The following TTN variants were observed in gnomAD, a reference collection of about 807,000 sequenced individuals.
The protein encoded by TTN is connectin.
In TTN, 1,525 loss-of-function variants were observed where a neutral mutation model predicts 3,223.0. The observed-to-expected ratio is 0.47, with a 90% CI of 0.45 to 0.49. The LOEUF is 0.49. Ranked by LOEUF, TTN falls within the 20% of genes least tolerant of loss-of-function variation. The pLI is 0.00. For synonymous variants in TTN, 14,094 were observed against 15,161.0 expected (o/e 0.93, Z 5.17); for missense variants, 40,786 against 43,424.0 (o/e 0.94, Z 5.40).
chr2:178,644,661 T>C (rs1281945673), intron 217 of TTN, 45 bp from the exon 218 acceptor site: 2 of 1,385,934 alleles, frequency 1.4e-6, no homozygotes, highest in Non-Finnish European at 1.9e-6. Context: ...ATATTTAATC[T>C]GAAGCAAGTG....
Position 178,724,501 on chromosome 2 carries a change from C to G in TTN, c.20874G>C (p.Thr6958=), listed in dbSNP as rs765956215. 1 of 1,606,746 alleles carries G rather than the reference C, an allele frequency of 6.2e-7. No individual in the cohort carries two copies. The highest frequency in any genetic ancestry group is 1.1e-5 in the South Asian group (1 of 90,674). Reference sequence around the variant, plus strand: ...GAGTGCACGTTTCTCCTACAGTCACCGTCATCGGTCCTGCCTTCTCAACAA... The same window carrying G: ...GAGTGCACGTTTCTCCTACAGTCACGGTCATCGGTCCTGCCTTCTCAACAA... ...AVIVEKAGPM[T]VTVGETCTLE... Residue 6958 remains threonine, a synonymous_variant, in exon 72 of 363, where the codon ACG becomes ACC. Transcript: ENST00000589042.
chr2:178,773,819 T>C lies in TTN; in HGVS notation c.7330+19A>G. The C allele has an allele frequency of 6.2e-7, 1 of 1,614,050 alleles. No individual in the cohort carries two copies. The highest frequency in any genetic ancestry group is 8.5e-7 in the Non-Finnish European group (1 of 1,179,964). ...GTTGCTTAATAGTGTAAACATAAAA[T>C]TTTATAATTAGGACTCACTATAGAC... On this transcript the variant is annotated intron_variant, in intron 31 of 362. Transcript: ENST00000589042.
intron 216 of TTN, 21 bp from the exon 217 acceptor site, chr2:178,646,051 G>GTGTTAGTA: frequency 7.0e-7 from 1 of 1,430,138 alleles, no homozygotes; most frequent in Non-Finnish European, 9.3e-7. Flanking sequence ...TATTTCAGAG[G>GTGTTAGTA]TGTTAGTATA....
rs763384123 is a variant in TTN at position 178,545,446 on chromosome 2, T to A, written c.95664A>T (p.Ala31888=). The A allele has an allele frequency of 2.5e-6, 4 of 1,610,534 alleles. No individual in the cohort carries two copies. Among genetic ancestry groups the A allele is most frequent in the South Asian group, 1.1e-5 (1 of 90,914 alleles). The change falls in exon 344 of 363, where the codon GCA becomes GCT. Residue 31888 remains alanine (A), a synonymous_variant. Transcript: ENST00000589042. ...CTTCGCTGGGCTCACTGTTACCAGC[T>A]GCATTCACTGCGGTCACCCGGAACT... The part of the protein sequence containing the change: ...DYQFRVTAVN[A]AGNSEPSEAS...
At position 178,605,471 on chromosome 2, in the gene TTN, C is replaced by T. The variant is rs2054564830; in HGVS notation, c.53824G>A (p.Glu17942Lys). 4 of 1,611,654 alleles carry T rather than the reference C, an allele frequency of 2.5e-6. No homozygotes were observed. The African/African-American group carries it at 5.3e-5, about 22-fold the overall frequency. ...MYEFRVKAVN[E>K]IGESEPSLPL... ...AGGGATGGTTCACTTTCACCAATTTCATTGACAGCTTTGACACGGAACTCA... is the reference window on the plus strand; with the variant it reads ...AGGGATGGTTCACTTTCACCAATTTTATTGACAGCTTTGACACGGAACTCA... Residue 17942 changes from glutamate (E) to lysine (K), a missense_variant, in exon 279 of 363, where the codon GAA (glutamate) becomes AAA (lysine). Glu to Lys is a moderately conservative substitution (Grantham distance 56). Coordinates refer to ENST00000589042, the MANE Select transcript of TTN (RefSeq NM_001267550.2).
At chr2:178,674,533 A>T in intron 150 of TTN, 124 bp from the exon 151 acceptor site, 1 of 499,650 alleles carries the variant, frequency 2.0e-6, no homozygotes, top group Non-Finnish European at 3.4e-6. Flanking sequence ...GTCCTTAAAA[A>T]ATCTCTACTG....
Position 178,610,368 on chromosome 2 carries a change from T to C in TTN, c.51158A>G (p.Asp17053Gly). 6.2e-7 allele frequency: 1 copy of C among 1,612,628 alleles called. No individual in the cohort carries two copies. The highest frequency in any genetic ancestry group is 8.5e-7 in the Non-Finnish European group (1 of 1,179,108). Residue 17053 changes from aspartate to glycine, a missense_variant, in exon 271 of 363, where the codon GAT becomes GGT. Asp to Gly is a moderately conservative substitution (Grantham distance 94). Transcript: ENST00000589042. ...KVIGLPGPCK[D>G]IKASDITKSS... Reference sequence around the variant, plus strand: ...CTTGGTAATGTCACTTGCTTTAATATCTTTGCATGGTCCAGGTAGGCCTAT... The same window carrying C: ...CTTGGTAATGTCACTTGCTTTAATACCTTTGCATGGTCCAGGTAGGCCTAT...
chr2:178,567,306 A>G lies in TTN; in HGVS notation c.78826T>C (p.Ser26276Pro). The G allele has an allele frequency of 6.2e-7, 1 of 1,606,962 alleles. No homozygotes were observed. The highest frequency in any genetic ancestry group is 8.5e-7 in the Non-Finnish European group (1 of 1,177,370). The change falls in exon 326 of 363, where the codon TCA becomes CCA. Residue 26276 changes from serine to proline, a missense_variant. Transcript: ENST00000589042. ...LRASNVAGSK[S>P]FPVNVKVLDR... ...AATACTTTTACATTTACTGGGAATG[A>G]CTTAGAACCTGCAACATTGGAAGCT...
rs746270532 is a variant in TTN at position 178,652,490 on chromosome 2, G to A, written c.39095C>T (p.Pro13032Leu). The A allele has an allele frequency of 6.2e-7, 1 of 1,613,646 alleles. No individual in the cohort carries two copies. Among genetic ancestry groups the A allele is most frequent in the Non-Finnish European group, 8.5e-7 (1 of 1,179,656 alleles). ...VVPEKKVPAA[P>L]PKKPEVTPVK... The stretch of plus-strand genomic sequence containing the variant: ...AGGTGTGACTTCAGGCTTTTTAGGA[G>A]GAGCCGCTGGCACTTTCTTTTCAGG... Residue 13032 changes from proline to leucine, a missense_variant, in exon 202 of 363, where the codon CCT (proline) becomes CTT (leucine). Physicochemically the swap from Pro to Leu is moderately conservative, Grantham distance 98. Coordinates refer to ENST00000589042, the MANE Select transcript of TTN (RefSeq NM_001267550.2).
chr2:178,610,293 G>T lies in TTN; in HGVS notation c.51233C>A (p.Pro17078Gln). 1 of 1,612,862 alleles carries T rather than the reference G, an allele frequency of 6.2e-7. No individual in the cohort carries two copies. Among genetic ancestry groups the T allele is most frequent in the Non-Finnish European group, 8.5e-7 (1 of 1,179,210 alleles). ...GCGCTCCAGGACATAATGAAGAATT[G>T]GGGTTCCACCATCAAATTCTGGAGG... ...WEPPEFDGGT[P>Q]ILHYVLERRE... Residue 17078 changes from proline (P) to glutamine (Q), a missense_variant, in exon 271 of 363, where the codon CCA becomes CAA. Coordinates refer to ENST00000589042, the MANE Select transcript of TTN (RefSeq NM_001267550.2).
chr2:178,616,249 A>G (rs889783714), intron 257 of TTN, among the ~76,000 whole-genome samples: 1 of 150,976 alleles, frequency 6.6e-6, no homozygotes, highest in Non-Finnish European at 1.5e-5. Flanking sequence ...TTTTTTTTTT[A>G]TTACAAATTT....
At position 178,614,245 on chromosome 2, in the gene TTN, T is replaced by G. The variant is rs754272157; in HGVS notation, c.49152A>C (p.Thr16384=). 6.2e-7 allele frequency: 1 copy of G among 1,612,646 alleles called. No homozygotes were observed. Among genetic ancestry groups the G allele is most frequent in the Non-Finnish European group, 8.5e-7 (1 of 1,179,272 alleles). The part of the protein sequence containing the change: ...PPRDDGGSKI[T]NYVVERRATD... ...TTGCTCGTCTCTCCACAACATAGTTTGTGATCTTAGATCCACCATCATCGC... is the reference window on the plus strand; with the variant it reads ...TTGCTCGTCTCTCCACAACATAGTTGGTGATCTTAGATCCACCATCATCGC... Residue 16384 remains threonine, a synonymous_variant, in exon 262 of 363, where the codon ACA becomes ACC. Transcript: ENST00000589042.
Position 178,622,038 on chromosome 2 carries a change from T to C in TTN, c.44914-30A>G, listed in dbSNP as rs2058370727. 4 of 1,563,228 alleles carry C rather than the reference T, an allele frequency of 2.6e-6. No individual in the cohort carries two copies. In the South Asian group the frequency reaches 4.7e-5, roughly 18 times the overall value. Reference sequence around the variant, plus strand: ...ATTTAAGATAAATAGATTATCAGTTTTCTTGTTGTTCCTTCACACAGGTGT... The same window carrying C: ...ATTTAAGATAAATAGATTATCAGTTCTCTTGTTGTTCCTTCACACAGGTGT... On this transcript the variant is annotated intron_variant, in intron 243 of 362. Transcript: ENST00000589042.
intron 250 of TTN, 173 bp from the exon 251 acceptor site, chr2:178,619,026 G>T: frequency 1.2e-6 from 1 of 853,088 alleles, no homozygotes; most frequent in Non-Finnish European, 1.7e-6. Context: ...TTTTGTTGTT[G>T]TTGTGCGTGC....
Position 178,598,781 on chromosome 2 carries a change from G to A in TTN, c.56929C>T (p.Pro18977Ser), listed in dbSNP as rs750056302. The A allele has an allele frequency of 6.2e-7, 1 of 1,613,348 alleles. No homozygotes were observed. The highest frequency in any genetic ancestry group is 8.5e-7 in the Non-Finnish European group (1 of 1,179,530). ...TCTCTAGCAGTCGCTGGGTCTGATG[G>A]CAGACTTGCTGGACCCACGCCAGCA... is the stretch of plus-strand genomic sequence containing the variant. ...NAAGVGPASLPSDPATARDPI... is the reference protein window; with the variant it reads ...NAAGVGPASLSSDPATARDPI... The change falls in exon 291 of 363, where the codon CCA (proline) becomes TCA (serine). Residue 18977 changes from proline to serine, a missense_variant. Pro to Ser is a moderately conservative substitution (Grantham distance 74). Transcript: ENST00000589042.
chr2:178,729,437 C>A lies in TTN; in HGVS notation c.18719G>T (p.Arg6240Leu), dbSNP rs761993856. The A allele has an allele frequency of 6.2e-7, 1 of 1,613,592 alleles. No individual in the cohort carries two copies. The highest frequency in any genetic ancestry group is 1.7e-5 in the Admixed American group (1 of 59,978). The change falls in exon 64 of 363, where the codon CGA becomes CTA. Residue 6240 changes from arginine to leucine, a missense_variant. Coordinates refer to ENST00000589042, the MANE Select transcript of TTN (RefSeq NM_001267550.2). ...GGTCAATGTGTATTTTTTGCTGCTTCGAATTTCCCTGTTATTCTTCAGCCA... is the reference window on the plus strand; with the variant it reads ...GGTCAATGTGTATTTTTTGCTGCTTAGAATTTCCCTGTTATTCTTCAGCCA... ...VTWLKNNREI[R>L]SSKKYTLTDR...
chr2:178,603,831 CTT>C (rs2054120119), intron 282 of TTN, 43 bp downstream of exon 282: 3 of 1,502,672 alleles, frequency 2.0e-6, no homozygotes, highest in Non-Finnish European at 2.7e-6. Context: ...CATTTAGTGA[CTT>C]TGTGCTTTAG....
At chr2:178,781,023 C>A in intron 21 of TTN, 98 bp downstream of exon 21, 1 of 1,540,608 alleles carries the variant, frequency 6.5e-7, no homozygotes, top group Non-Finnish European at 8.9e-7. Flanking sequence ...AGTATCAGAA[C>A]CAGTAAGTGG....
In TTN at chr2:178,557,231, C is replaced by A. The variant is rs72648232; in HGVS notation, c.88009+22G>T. ...TTTGCATTTTTGTTATCAGAACTGC[C>A]CTTCCCATGACAAATACGTACCACA... On this transcript the variant is annotated intron_variant, in intron 329 of 362. Coordinates refer to ENST00000589042, the MANE Select transcript of TTN (RefSeq NM_001267550.2). 3.4e-3 allele frequency: 5,503 copies of A among 1,613,598 alleles called. 177 individuals are homozygous for A. The African/African-American group carries it at 0.065, about 19-fold the overall frequency.
Sources: allele counts gnomAD v4.1 joint callset (sites outside exome capture counted in the v4.1 genomes callset), GRCh38; gene constraint gnomAD v4.1.1; transcripts MANE v1.5; gene names NCBI Gene and HGNC (gene_info 2026-07-23, HGNC 2026-07-21).